Variants in ADK observed in about 807,000 individuals in gnomAD.
The protein encoded by ADK is adenosine kinase, also known as N6,N6-dimethyladenosine kinase.
ADK carries 24 observed loss-of-function variants against 44.7 expected under a neutral mutation model. The observed-to-expected ratio is 0.54, with a 90% CI of 0.39 to 0.76. The LOEUF is 0.76. ADK is among the 30% of genes least tolerant of loss of function. The pLI is 0.00. For missense variants in ADK, 321 were observed against 425.1 expected (o/e 0.76, Z 2.15); for synonymous variants, 128 against 142.6 (o/e 0.90, Z 0.73).
intron 4 of ADK, among the ~76,000 whole-genome samples, chr10:74,391,652 TACACACACACACAC>T (rs71475280): frequency 2.4e-4 from 18 of 74,302 alleles, no homozygotes; most frequent in East Asian, 1.5e-3. Flanking sequence ...GGCAAGAATA[TACACACACACACAC>T]ACACACACAC....
intron 3 of ADK, among the ~76,000 whole-genome samples, chr10:74,231,991 C>G (rs1221142422): frequency 1.3e-5 from 2 of 148,728 alleles, no homozygotes; most frequent in Non-Finnish European, 3.0e-5. Context: ...CTGATATGGT[C>G]AGGTGGTCAG....
chr10:74,343,997 G>A (rs970947020), intron 4 of ADK, among the ~76,000 whole-genome samples: 1 of 152,092 alleles, frequency 6.6e-6, no homozygotes, highest in Non-Finnish European at 1.5e-5. Context: ...TTGATTTTTG[G>A]ATCTTAAACC....
intron 6 of ADK, among the ~76,000 whole-genome samples, chr10:74,458,182 A>C (rs988213654): frequency 3.5e-5 from 4 of 113,748 alleles, no homozygotes; most frequent in African/African-American, 7.1e-5. Flanking sequence ...CCCTGGCTGG[A>C]GTGCAGCGGT....
intron 8 of ADK, among the ~76,000 whole-genome samples, chr10:74,594,621 CTA>C: frequency 6.8e-6 from 1 of 147,548 alleles, no homozygotes; most frequent in African/African-American, 2.5e-5. Context: ...TGAGGTCTAA[CTA>C]TATGCTGTCT....
intron 10 of ADK, among the ~76,000 whole-genome samples, chr10:74,681,612 G>A (rs1463720652): frequency 6.6e-6 from 1 of 151,702 alleles, no homozygotes; most frequent in Non-Finnish European, 1.5e-5. Flanking sequence ...TTAAGAGGCC[G>A]AGGTGGACAA....
At chr10:74,151,783 A>AG (rs1242896638) in intron 1 of ADK, among the ~76,000 whole-genome samples, 7 of 152,234 alleles carry the variant, frequency 4.6e-5, no homozygotes, top group Admixed American at 4.6e-4. Flanking sequence ...GTGTTGCGGA[A>AG]GGGCACGTTG....
intron 7 of ADK, chr10:74,528,031 A>C: frequency 1.1e-6 from 1 of 884,172 alleles, no homozygotes; most frequent in Non-Finnish European, 1.9e-6. Flanking sequence ...TGTATTCGGC[A>C]ATAAAACCCA....
At chr10:74,575,421 G>A (rs551074536) in intron 7 of ADK, among the ~76,000 whole-genome samples, 11 of 152,296 alleles carry the variant, frequency 7.2e-5, no homozygotes, top group African/African-American at 2.4e-4. Context: ...ACTCCTGGAG[G>A]TAGAGAAAGG....
Position 74,321,177 on chromosome 10 carries a change from A to ACCTAG in ADK, c.273+6432_273+6433insCCTAG, listed in dbSNP as rs1410551165. ...TTGGGGTATATTCTAGGCATCTCAA[A>ACCTAG]AATTTTAAATACCATCTTATCCTTT... On this transcript the variant is annotated intron_variant, in intron 4 of 10. Transcript: ENST00000539909. 2.6e-5 allele frequency among the ~76,000 whole-genome samples: 4 copies of ACCTAG among 152,312 alleles called. No homozygotes were observed. In the East Asian group the frequency reaches 7.7e-4, roughly 29 times the overall value.
At chr10:74,196,349 G>A (rs544631147) in intron 1 of ADK, among the ~76,000 whole-genome samples, 2 of 151,908 alleles carry the variant, frequency 1.3e-5, no homozygotes, top group Non-Finnish European at 2.9e-5. Context: ...AGACCATCCT[G>A]GCCAACATGG....
intron 4 of ADK, among the ~76,000 whole-genome samples, chr10:74,384,949 C>G (rs1843093578): frequency 6.6e-6 from 1 of 152,052 alleles, no homozygotes; most frequent in African/African-American, 2.4e-5. Flanking sequence ...ACTCAAAATG[C>G]AGTGGATTGG....
intron 4 of ADK, among the ~76,000 whole-genome samples, chr10:74,342,381 T>C (rs1274435763): frequency 6.6e-6 from 1 of 152,244 alleles, no homozygotes; most frequent in Non-Finnish European, 1.5e-5. Context: ...AATATTATTT[T>C]CTTTTTGATG....
At chr10:74,654,032 A>G (rs1854385101) in intron 9 of ADK, among the ~76,000 whole-genome samples, 1 of 152,084 alleles carries the variant, frequency 6.6e-6, no homozygotes, top group African/African-American at 2.4e-5. Context: ...TTCATATCTA[A>G]TGCAGTTTTT....
intron 4 of ADK, among the ~76,000 whole-genome samples, chr10:74,373,800 G>C (rs1231770907): frequency 6.6e-6 from 1 of 152,018 alleles, no homozygotes; most frequent in African/African-American, 2.4e-5. Flanking sequence ...TCTGCTCCTA[G>C]GTATATACAC....
At chr10:74,371,952 G>A (rs1162144193) in intron 4 of ADK, 6 of 1,065,116 alleles carry the variant, frequency 5.6e-6, no homozygotes, top group East Asian at 4.7e-5. Context: ...GGCATCTTAC[G>A]TTAACCTATC....
At chr10:74,256,176 C>T (rs1845816172) in intron 3 of ADK, among the ~76,000 whole-genome samples, 1 of 152,210 alleles carries the variant, frequency 6.6e-6, no homozygotes, top group African/African-American at 2.4e-5. Flanking sequence ...TTAGTTTTGT[C>T]TCCCTTGGAG....
chr10:74,332,226 C>CT (rs1299679233), intron 4 of ADK, among the ~76,000 whole-genome samples: 1 of 152,184 alleles, frequency 6.6e-6, no homozygotes, highest in African/African-American at 2.4e-5. Context: ...ATGTCAGACT[C>CT]TATCAAGGTG....
rs73272210 is a variant in ADK at position 74,476,806 on chromosome 10, A to G, written c.556-48450A>G. ...TCCTTTACGGTAGTTGGTCCCTTCCACCTGCCAACCATGGGAAAAGTTAAT... is the reference window on the plus strand; with the variant it reads ...TCCTTTACGGTAGTTGGTCCCTTCCGCCTGCCAACCATGGGAAAAGTTAAT... On this transcript the variant is annotated intron_variant, in intron 6 of 10. Transcript: ENST00000539909. 3.3e-3 allele frequency among the ~76,000 whole-genome samples: 498 copies of G among 152,286 alleles called. 2 individuals carry two copies. The highest frequency in any genetic ancestry group is 0.011 in the African/African-American group (467 of 41,554).
chr10:74,370,485 A>G (rs555075395), intron 4 of ADK, among the ~76,000 whole-genome samples: 2 of 152,284 alleles, frequency 1.3e-5, no homozygotes, highest in South Asian at 4.1e-4. Context: ...GAACTAGCTT[A>G]AATAATCATA....
Sources: allele counts gnomAD v4.1 joint callset (sites outside exome capture counted in the v4.1 genomes callset), GRCh38; gene constraint gnomAD v4.1.1; transcripts MANE v1.5; gene names NCBI Gene and HGNC (gene_info 2026-07-23, HGNC 2026-07-21).